Variants in PCDHA1 observed in about 807,000 individuals in gnomAD.
PCDHA1 encodes protocadherin alpha 1.
A neutral mutation model predicts 61.3 loss-of-function variants in PCDHA1; 42 were observed. That is an observed-to-expected ratio of 0.69 (90% CI 0.54 to 0.89). The LOEUF (loss-of-function observed/expected upper bound fraction) is 0.89. Among genes scored for constraint, PCDHA1 ranks in the 40% least tolerant of loss-of-function variants. PCDHA1 has a pLI of 0.00. For synonymous variants in PCDHA1, 610 were observed against 553.8 expected (o/e 1.10, Z -1.43); for missense variants, 1,256 against 1,235.3 (o/e 1.02, Z -0.25).
intron 1 of PCDHA1, among the ~76,000 whole-genome samples, chr5:140,800,336 G>A (rs1470267500): frequency 1.3e-5 from 2 of 152,178 alleles, no homozygotes; most frequent in East Asian, 1.9e-4. Flanking sequence ...CAGTTGATGA[G>A]GCTATAGTTC....
chr5:140,886,753 G>A (rs1434667485), intron 1 of PCDHA1, among the ~76,000 whole-genome samples: 3 of 151,010 alleles, frequency 2.0e-5, no homozygotes, highest in African/African-American at 7.3e-5. Flanking sequence ...TTGAACCCGG[G>A]AGGTGGAGGT....
At chr5:140,943,356 A>G (rs965090658) in intron 1 of PCDHA1, among the ~76,000 whole-genome samples, 2 of 152,014 alleles carry the variant, frequency 1.3e-5, no homozygotes, top group Non-Finnish European at 2.9e-5. Flanking sequence ...GAGTAGAGGA[A>G]AGGAGATCAT....
At chr5:140,793,870 AAATT>A (rs1218740692) in intron 1 of PCDHA1, among the ~76,000 whole-genome samples, 1 of 152,258 alleles carries the variant, frequency 6.6e-6, no homozygotes, top group Non-Finnish European at 1.5e-5. Flanking sequence ...AGAAACAAAT[AAATT>A]ATTAATTTCA....
intron 1 of PCDHA1, among the ~76,000 whole-genome samples, chr5:140,790,184 AG>A: frequency 6.6e-6 from 1 of 152,330 alleles, no homozygotes; most frequent in East Asian, 1.9e-4. Context: ...GATTGTGTAA[AG>A]GTTGAGAAAT....
Position 140,822,678 on chromosome 5 carries a change from A to G in PCDHA1, c.2394+33994A>G, listed in dbSNP as rs2150118464. The G allele has an allele frequency of 3.1e-6, 5 of 1,609,592 alleles. No individual in the cohort carries two copies. In the African/African-American group the frequency reaches 4.0e-5, roughly 13 times the overall value. ...TAATTAATTCTAATACTGGTGAAAT[A>G]AAAGTTAACGGGGAACTGGATTATG... is the stretch of plus-strand genomic sequence containing the variant. On this transcript the variant is annotated intron_variant, in intron 1 of 3. Transcript: ENST00000504120.
chr5:140,795,600 G>A, intron 1 of PCDHA1: 1 of 1,614,168 alleles, frequency 6.2e-7, no homozygotes, highest in Non-Finnish European at 8.5e-7. Flanking sequence ...ATTTGTTACT[G>A]GTGGCTACTG....
chr5:140,828,605 C>T, intron 1 of PCDHA1: 1 of 1,614,210 alleles, frequency 6.2e-7, no homozygotes, highest in Non-Finnish European at 8.5e-7. Context: ...AACCTATAAA[C>T]TCAGTTCTAG....
At chr5:140,934,563 T>A (rs1017456946) in intron 1 of PCDHA1, among the ~76,000 whole-genome samples, 1 of 152,212 alleles carries the variant, frequency 6.6e-6, no homozygotes, top group African/African-American at 2.4e-5. Flanking sequence ...TTCTTTTTTT[T>A]AATTAATTGT....
chr5:140,850,962 G>A lies in PCDHA1; in HGVS notation c.2394+62278G>A, dbSNP rs2150504046. On this transcript the variant is annotated intron_variant, in intron 1 of 3. Coordinates refer to ENST00000504120, the MANE Select transcript of PCDHA1 (RefSeq NM_018900.4). Reference sequence around the variant, plus strand: ...AAGATATTATCGATTACTCCCAGGGGCCGTTCAAATAGTTTTATTCATTTT... The same window carrying A: ...AAGATATTATCGATTACTCCCAGGGACCGTTCAAATAGTTTTATTCATTTT... 3.4e-6 allele frequency: 5 copies of A among 1,475,076 alleles called. No homozygotes were observed. In the African/African-American group the frequency reaches 7.1e-5, roughly 21 times the overall value. The allele number at this position is 1,475,076 out of a possible 1,614,324, so 91.4% of individuals were successfully genotyped here. A position where few individuals can be genotyped will look rare whatever the true frequency, so the allele number is the denominator to read the frequency against.
intron 1 of PCDHA1, chr5:140,882,206 G>C: frequency 6.5e-7 from 1 of 1,531,252 alleles, no homozygotes; most frequent in Non-Finnish European, 8.8e-7. Context: ...TGGGCCTTGA[G>C]AGACAGTTTG....
intron 1 of PCDHA1, chr5:140,829,291 C>T (rs1224318047): frequency 9.3e-6 from 15 of 1,614,130 alleles, no homozygotes; most frequent in Middle Eastern, 1.6e-4. Context: ...TGGTGTCCAC[C>T]TTCAAGAATT....
At position 140,801,337 on chromosome 5, in the gene PCDHA1, G is replaced by A. The variant is rs1554121401; in HGVS notation, c.2394+12653G>A. 1.2e-6 allele frequency: 2 copies of A among 1,613,124 alleles called. No homozygotes were observed. Among genetic ancestry groups the A allele is most frequent in the African/African-American group, 1.3e-5 (1 of 74,906 alleles). On this transcript the variant is annotated intron_variant, in intron 1 of 3. Coordinates refer to ENST00000504120, the MANE Select transcript of PCDHA1 (RefSeq NM_018900.4). ...GCCAAGCATGGCACCTTCGTGGGCCGCATCGCGCAGGACCTGGGGCTGGAG... is the reference window on the plus strand; with the variant it reads ...GCCAAGCATGGCACCTTCGTGGGCCACATCGCGCAGGACCTGGGGCTGGAG...
At chr5:140,975,847 C>T (rs895067113) in intron 1 of PCDHA1, among the ~76,000 whole-genome samples, 1 of 152,100 alleles carries the variant, frequency 6.6e-6, no homozygotes, top group East Asian at 1.9e-4. Flanking sequence ...TTCAGTAATA[C>T]TACATCACCC....
At chr5:140,795,401 G>A (rs782143326) in intron 1 of PCDHA1, 5 of 1,614,186 alleles carry the variant, frequency 3.1e-6, no homozygotes, top group Non-Finnish European at 4.2e-6. Flanking sequence ...CCCGAATCAA[G>A]GCTGCTTGAT....
chr5:140,951,144 T>C (rs1052192456), intron 1 of PCDHA1, among the ~76,000 whole-genome samples: 3 of 100,560 alleles, frequency 3.0e-5, no homozygotes, highest in Non-Finnish European at 6.0e-5. Context: ...CTTTATCTTA[T>C]TGAATATAGT....
In PCDHA1 at chr5:140,788,163, G is replaced by A. The variant is rs782044308; in HGVS notation, c.1873G>A (p.Gly625Arg). Residue 625 changes from glycine (G) to arginine (R), a missense_variant, in exon 1 of 4, where the codon GGG (glycine) becomes AGG (arginine). Coordinates refer to ENST00000504120, the MANE Select transcript of PCDHA1 (RefSeq NM_018900.4). ...CGGCGCGCGCATCCCGTTCCGCGTG[G>A]GGCTGTACACGGGCGAGATCAGCAC... Reference protein sequence around the residue: ...AGGARIPFRVGLYTGEISTTR... With the variant: ...AGGARIPFRVRLYTGEISTTR... 7 of 1,613,914 alleles carry A rather than the reference G, an allele frequency of 4.3e-6. No homozygotes were observed. The highest frequency in any genetic ancestry group is 5.1e-6 in the Non-Finnish European group (6 of 1,179,926).
At chr5:140,853,686 T>C (rs2042832936) in intron 1 of PCDHA1, 1 of 988,118 alleles carries the variant, frequency 1.0e-6, no homozygotes, top group Middle Eastern at 5.3e-4. Flanking sequence ...CAACCTATCC[T>C]TAGACCTGCT....
chr5:140,836,263 A>T, intron 1 of PCDHA1: 3 of 1,613,768 alleles, frequency 1.9e-6, no homozygotes, highest in Non-Finnish European at 2.5e-6. Flanking sequence ...GTGGGGCTGT[A>T]CACTGGTGAG....
chr5:140,792,795 G>C (rs946380168), intron 1 of PCDHA1, among the ~76,000 whole-genome samples: 1 of 152,054 alleles, frequency 6.6e-6, no homozygotes, highest in East Asian at 1.9e-4. Flanking sequence ...ATAATTACTG[G>C]GTATCATACA....
Sources: gnomAD v4.1 joint callset for allele counts (sites outside exome capture counted in the v4.1 genomes callset) on GRCh38, gnomAD v4.1.1 for gene constraint, MANE v1.5 for transcripts, NCBI Gene and HGNC (gene_info 2026-07-23, HGNC 2026-07-21) for gene names.